The following PRR16 variants were observed in gnomAD, a reference collection of about 807,000 sequenced individuals.
PRR16 encodes the protein proline rich 16, also known as protein Largen.
A neutral mutation model predicts 18.2 loss-of-function variants in PRR16; 6 were observed. That is an observed-to-expected ratio of 0.33 (90% CI 0.18 to 0.65). The LOEUF is 0.65. Among genes scored for constraint, PRR16 ranks in the 30% least tolerant of loss-of-function variants. PRR16 has a pLI of 0.74. For missense variants in PRR16, 412 were observed against 376.6 expected (o/e 1.09, Z -0.78); for synonymous variants, 151 against 147.8 (o/e 1.02, Z -0.16).
Position 120,652,057 on chromosome 5 carries a change from T to A in PRR16, c.160-33897T>A, listed in dbSNP as rs192436210. 1.1e-3 allele frequency among the ~76,000 whole-genome samples: 174 copies of A among 152,258 alleles called. 1 individual carries two copies. Among genetic ancestry groups the A allele is most frequent in the Admixed American group, 4.7e-3 (72 of 15,276 alleles). ...AGAGGTCTTTCACGTCCCTTGTAAG[T>A]CAAATGATTTTTATACCTGGATTAT... On this transcript the variant is annotated intron_variant, in intron 1 of 1. Coordinates refer to ENST00000407149, the MANE Select transcript of PRR16 (RefSeq NM_001300783.2).
chr5:120,724,714 C>T, the PRR16 span, among the ~76,000 whole-genome samples: 1 of 151,970 alleles, frequency 6.6e-6, no homozygotes, highest in Non-Finnish European at 1.5e-5. Flanking sequence ...CCTACCTGCA[C>T]ATCTATTATG....
chr5:120,787,814 C>A, the PRR16 span, among the ~76,000 whole-genome samples: 1 of 152,016 alleles, frequency 6.6e-6, no homozygotes, highest in Admixed American at 6.6e-5. Context: ...TAGGCACGCT[C>A]CTCATCAAAA....
At chr5:120,726,166 T>G in the PRR16 span, among the ~76,000 whole-genome samples, 218 of 152,246 alleles carry the variant, frequency 1.4e-3, no homozygotes, top group African/African-American at 4.9e-3. Flanking sequence ...TGATAACGCT[T>G]TACATTGAAA....
At position 120,627,930 on chromosome 5, in the gene PRR16, T is replaced by A. The variant is rs944887417; in HGVS notation, c.160-58024T>A. On this transcript the variant is annotated intron_variant, in intron 1 of 1. Transcript: ENST00000407149. ...GTCTTAAAGAAATAAGTTTGTGGTT[T>A]CTTTAAAACAATATCTCTTGATCTA... Among the ~76,000 whole-genome samples the A allele has an allele frequency of 3.3e-5, 5 of 152,148 alleles. No homozygotes were observed. The East Asian group carries it at 9.6e-4, about 29-fold the overall frequency.
chr5:120,558,833 C>T (rs1439331260), intron 1 of PRR16, among the ~76,000 whole-genome samples: 3 of 151,754 alleles, frequency 2.0e-5, no homozygotes, highest in Non-Finnish European at 3.0e-5. Context: ...TTGGATAAAA[C>T]CATTTCAACT....
At chr5:120,477,062 A>G (rs1457288181) in intron 1 of PRR16, among the ~76,000 whole-genome samples, 6 of 151,810 alleles carry the variant, frequency 4.0e-5, no homozygotes, top group Admixed American at 2.6e-4. Context: ...CACTTCACTG[A>G]TTTTTCTTTT....
intron 1 of PRR16, among the ~76,000 whole-genome samples, chr5:120,632,498 G>A (rs1755090285): frequency 6.6e-6 from 1 of 151,736 alleles, no homozygotes; most frequent in African/African-American, 2.4e-5. Flanking sequence ...GATATAAAAA[G>A]AAAATTCTGT....
At chr5:120,522,259 A>G (rs567140393) in intron 1 of PRR16, among the ~76,000 whole-genome samples, 51 of 152,326 alleles carry the variant, frequency 3.3e-4, no homozygotes, top group African/African-American at 1.2e-3. Context: ...TGTCTTCCAC[A>G]ATGGTTGAAC....
At chr5:120,554,865 C>G (rs1039700042) in intron 1 of PRR16, among the ~76,000 whole-genome samples, 2 of 151,856 alleles carry the variant, frequency 1.3e-5, no homozygotes, top group African/African-American at 4.8e-5. Context: ...AAGAAAGATA[C>G]CTAAACACAG....
the PRR16 span, among the ~76,000 whole-genome samples, chr5:120,759,922 G>C: frequency 1.3e-5 from 2 of 151,894 alleles, no homozygotes; most frequent in African/African-American, 2.4e-5. Flanking sequence ...TGCATAATAT[G>C]ACAACAGAAC....
At chr5:120,722,644 A>G in the PRR16 span, among the ~76,000 whole-genome samples, 2 of 151,982 alleles carry the variant, frequency 1.3e-5, no homozygotes, top group African/African-American at 2.4e-5. Flanking sequence ...TGATATCTCA[A>G]TTACCTTGGA....
chr5:120,565,984 A>G (rs891261190), intron 1 of PRR16, among the ~76,000 whole-genome samples: 3 of 152,216 alleles, frequency 2.0e-5, no homozygotes, highest in African/African-American at 7.2e-5. Flanking sequence ...ATATATAACT[A>G]TGGCATGGTT....
chr5:120,766,481 G>C, the PRR16 span, among the ~76,000 whole-genome samples: 1 of 151,742 alleles, frequency 6.6e-6, no homozygotes, highest in East Asian at 1.9e-4. Flanking sequence ...GACACACTCA[G>C]TACTAGTCAA....
chr5:120,479,607 A>G (rs1486607578), intron 1 of PRR16, among the ~76,000 whole-genome samples: 1 of 152,192 alleles, frequency 6.6e-6, no homozygotes, highest in Non-Finnish European at 1.5e-5. Flanking sequence ...GAATTAAAAA[A>G]TGAGTCAAAG....
intron 1 of PRR16, among the ~76,000 whole-genome samples, chr5:120,496,137 C>T (rs1257166322): frequency 6.6e-6 from 1 of 151,952 alleles, no homozygotes; most frequent in African/African-American, 2.4e-5. Flanking sequence ...TGATTAAATG[C>T]TACTTGATCA....
chr5:120,745,953 T>A, the PRR16 span, among the ~76,000 whole-genome samples: 2 of 150,982 alleles, frequency 1.3e-5, no homozygotes, highest in Non-Finnish European at 2.9e-5. Context: ...CTCAAGTGAT[T>A]CACCCATCTT....
At chr5:120,593,762 C>T (rs941563408) in intron 1 of PRR16, among the ~76,000 whole-genome samples, 19 of 151,934 alleles carry the variant, frequency 1.3e-4, no homozygotes, top group African/African-American at 4.3e-4. Flanking sequence ...AAGAAAATAC[C>T]AACAAACCGA....
chr5:120,695,132 C>T, the PRR16 span, among the ~76,000 whole-genome samples: 2 of 152,084 alleles, frequency 1.3e-5, no homozygotes, highest in African/African-American at 2.4e-5. Flanking sequence ...ATTTTCTACC[C>T]GTTCAAACCA....
chr5:120,671,762 C>T (rs574402008), intron 1 of PRR16, among the ~76,000 whole-genome samples: 46 of 152,018 alleles, frequency 3.0e-4, no homozygotes, highest in African/African-American at 8.4e-4. Flanking sequence ...TAATATATCA[C>T]GTGAATCTTC....
Sources: gnomAD v4.1 joint callset for allele counts (sites outside exome capture counted in the v4.1 genomes callset) on GRCh38, gnomAD v4.1.1 for gene constraint, MANE v1.5 for transcripts, NCBI Gene and HGNC (gene_info 2026-07-23, HGNC 2026-07-21) for gene names.